Variants in DDX25 observed in about 807,000 individuals in gnomAD.
The protein encoded by DDX25 is ATP-dependent RNA helicase DDX25.
In DDX25, 70 loss-of-function variants were observed where a neutral mutation model predicts 64.6. The ratio of observed to expected loss-of-function variants is 1.08; its 90% confidence interval spans 0.89 to 1.32. The LOEUF (loss-of-function observed/expected upper bound fraction) is 1.32. Among genes scored for constraint, DDX25 ranks in the 40% most tolerant of loss-of-function variants. The pLI is 0.00. For synonymous variants in DDX25, 211 were observed against 213.3 expected, an observed-to-expected ratio of 0.99 and a Z score of 0.09; for missense variants, 587 against 604.4, an observed-to-expected ratio of 0.97 and a Z score of 0.30.
intron 1 of DDX25, among the ~76,000 whole-genome samples, chr11:125,904,965 C>G (rs1944862233): frequency 6.6e-6 from 1 of 152,104 alleles, no homozygotes; most frequent in Non-Finnish European, 1.5e-5. Flanking sequence ...CCAAGTACTG[C>G]CCAACTCTAA....
rs1325947892 is a variant in DDX25 at position 125,913,132 on chromosome 11, TG to T, written c.800+1647del. On this transcript the variant is annotated intron_variant, in intron 8 of 11. Transcript: ENST00000263576. ...GAGATCACGCCACTGCACTACAGCCTGGGTGACAGAGCAAGACTCCATTTCA... is the reference window on the plus strand; with the variant it reads ...GAGATCACGCCACTGCACTACAGCCTGGTGACAGAGCAAGACTCCATTTCA... Among the ~76,000 whole-genome samples the T allele has an allele frequency of 2.8e-5, 4 of 142,928 alleles. No homozygotes were observed. In the Admixed American group the frequency reaches 3.0e-4, roughly 11 times the overall value. The allele number at this position is 142,928 out of a possible 152,430, so 93.8% of individuals were successfully genotyped here.
intron 2 of DDX25, 113 bp from the exon 3 acceptor site, chr11:125,905,440 C>T (rs773186813): frequency 1.5e-6 from 2 of 1,338,324 alleles, no homozygotes; most frequent in Middle Eastern, 1.8e-4. Flanking sequence ...CATGAAATGA[C>T]TCTTCTTGCC....
In DDX25 at chr11:125,924,457, G is replaced by T. The variant is rs934245013; in HGVS notation, c.*1576G>T. On this transcript the variant is annotated 3_prime_UTR_variant, in exon 12 of 12. Transcript: ENST00000263576. ...AAGCAAGCGGGCCCAGATCACTAGTGTAGCACAGAGGAGGGACCCTAACAC... is the reference window on the plus strand; with the variant it reads ...AAGCAAGCGGGCCCAGATCACTAGTTTAGCACAGAGGAGGGACCCTAACAC... 6.6e-6 allele frequency: 1 copy of T among 152,284 alleles called. No homozygotes were observed. The highest frequency in any genetic ancestry group is 1.5e-5 in the Non-Finnish European group (1 of 68,114). The allele number at this position is 152,284 out of a possible 1,614,324, so 9.4% of individuals were successfully genotyped here.
chr11:125,915,842 A>G (rs1591519377), intron 8 of DDX25, among the ~76,000 whole-genome samples: 1 of 152,180 alleles, frequency 6.6e-6, no homozygotes, highest in South Asian at 2.1e-4. Flanking sequence ...TGCAGTGCTC[A>G]TGGTGTAGCT....
At chr11:125,906,367 T>C (rs1028309665) in intron 4 of DDX25, among the ~76,000 whole-genome samples, 158 bp downstream of exon 4, 1 of 151,890 alleles carries the variant, frequency 6.6e-6, no homozygotes, top group African/African-American at 2.4e-5. Context: ...TCCCCCAGGC[T>C]GGAGTGCAGT....
rs1368134751 is a variant in DDX25 at position 125,923,225 on chromosome 11, T to C, written c.*344T>C. The C allele has an allele frequency of 1.1e-5, 2 of 189,162 alleles. No homozygotes were observed. Among genetic ancestry groups the C allele is most frequent in the East Asian group, 2.6e-4 (2 of 7,560 alleles). The allele number at this position is 189,162 out of a possible 1,614,324, so 11.7% of individuals were successfully genotyped here. On this transcript the variant is annotated 3_prime_UTR_variant, in exon 12 of 12. Transcript: ENST00000263576. Reference sequence around the variant, plus strand: ...ATCTTACTGTGTCACAAGAGGGCGGTAGAGCTTCGCTGATTTTGGAAGCGG... The same window carrying C: ...ATCTTACTGTGTCACAAGAGGGCGGCAGAGCTTCGCTGATTTTGGAAGCGG...
In DDX25 at chr11:125,911,472, A is replaced by G. The variant is rs200925977; in HGVS notation, c.784A>G (p.Ser262Gly). The G allele has an allele frequency of 2.3e-4, 379 of 1,613,736 alleles. No individual in the cohort carries two copies. Among genetic ancestry groups the G allele is most frequent in the Middle Eastern group, 3.3e-4 (2 of 6,084 alleles). The change falls in exon 8 of 12, where the codon AGT becomes GGT. Residue 262 changes from serine (S) to glycine (G), a missense_variant. Physicochemically the swap from Ser to Gly is moderately conservative, Grantham distance 56. Transcript: ENST00000263576. The part of the protein sequence containing the change: ...MIDTQGFSDH[S>G]IRIQRALPSE... ...TGACACTCAAGGATTCTCAGATCAT[A>G]GTATTCGTATTCAAAGGTAATCTTC...
intron 10 of DDX25, 84 bp downstream of exon 10, chr11:125,918,874 G>A (rs1945076228): frequency 6.4e-6 from 9 of 1,406,076 alleles, no homozygotes; most frequent in South Asian, 6.0e-5. Context: ...CGCGAGTTTC[G>A]ACAAACATGC....
rs183664761 is a variant in DDX25, at chr11:125,905,127, C to A, written c.64-85C>A. On this transcript the variant is annotated intron_variant, in intron 1 of 11. Transcript: ENST00000263576. ...AATACCCGGGTGTCCTTCCCTGAAT[C>A]CCTCCCAGCCCCTGTGGTAGGGAAG... 28 of 1,259,520 alleles carry A rather than the reference C, an allele frequency of 2.2e-5. No homozygotes were observed. In the African/African-American group the frequency reaches 3.9e-4, roughly 17 times the overall value. 78.0% of individuals were successfully genotyped at this position (1,259,520 alleles called of 1,614,324 possible). A position where few individuals can be genotyped will look rare whatever the true frequency, so the allele number is the denominator to read the frequency against.
chr11:125,906,048 C>T (rs1347284686), intron 3 of DDX25, 26 bp from the exon 4 acceptor site: 1 of 1,527,810 alleles, frequency 6.5e-7, no homozygotes, highest in South Asian at 1.3e-5. Context: ...AGCTTGATGT[C>T]CTCTTTTTTA....
In DDX25 at chr11:125,925,569, A is replaced by G. The variant is rs1329935957; in HGVS notation, c.*2688A>G. On this transcript the variant is annotated 3_prime_UTR_variant, in exon 12 of 12. Coordinates refer to ENST00000263576, the MANE Select transcript of DDX25 (RefSeq NM_013264.5). ...AGAGTAGATAGAGAGGCAAGGAAAC[A>G]CCAGGTGATTTCAGTGCAACTGTGA... 5 of 420,868 alleles carry G rather than the reference A, an allele frequency of 1.2e-5. No homozygotes were observed. The East Asian group carries it at 2.9e-4, about 25-fold the overall frequency. 26.1% of individuals were successfully genotyped at this position (420,868 alleles called of 1,614,324 possible). A position where few individuals can be genotyped will look rare whatever the true frequency, so the allele number is the denominator to read the frequency against.
Position 125,911,349 on chromosome 11 carries a change from G to C in DDX25, c.661G>C (p.Gly221Arg), listed in dbSNP as rs1378266043. ...GTDITKQIII[G>R]TPGTVLDWCF... ...CGACATCACTAAACAGATTATAATTGGCACTCCTGGGACTGTCCTAGATTG... is the reference window on the plus strand; with the variant it reads ...CGACATCACTAAACAGATTATAATTCGCACTCCTGGGACTGTCCTAGATTG... Residue 221 changes from glycine (G) to arginine (R), a missense_variant, in exon 8 of 12, where the codon GGC (glycine) becomes CGC (arginine). Coordinates refer to ENST00000263576, the MANE Select transcript of DDX25 (RefSeq NM_013264.5). 6.2e-7 allele frequency: 1 copy of C among 1,613,266 alleles called. No homozygotes were observed. Among genetic ancestry groups the C allele is most frequent in the Non-Finnish European group, 8.5e-7 (1 of 1,179,688 alleles).
Position 125,910,363 on chromosome 11 carries a change from G to T in DDX25, c.508-1G>T, listed in dbSNP as rs1388931284. The T allele has an allele frequency of 3.1e-6, 5 of 1,613,570 alleles. No individual in the cohort carries two copies. The highest frequency in any genetic ancestry group is 4.2e-6 in the Non-Finnish European group (5 of 1,179,588). ...TCCCCTCTTCTCTCTCTATCCCACA[G>T]TGCCTCTGCCTAGCTCCTACTTATG... On this transcript the variant is annotated splice_acceptor_variant, in intron 6 of 11. Coordinates refer to ENST00000263576, the MANE Select transcript of DDX25 (RefSeq NM_013264.5). LOFTEE classifies it high-confidence loss of function.
In DDX25 at chr11:125,928,580, T is replaced by C. The variant is rs145576222; in HGVS notation, c.*5699T>C. 2 of 152,354 alleles carry C rather than the reference T, an allele frequency of 1.3e-5. No individual in the cohort carries two copies. Among genetic ancestry groups the C allele is most frequent in the African/African-American group, 4.8e-5 (2 of 41,580 alleles). 9.4% of individuals were successfully genotyped at this position (152,354 alleles called of 1,614,324 possible). ...GTAGACTGGCTATACCAATATATAG[T>C]TGCACAGCAAATTCACCTCACCTTA... On this transcript the variant is annotated 3_prime_UTR_variant, in exon 12 of 12. Coordinates refer to ENST00000263576, the MANE Select transcript of DDX25 (RefSeq NM_013264.5).
chr11:125,904,354 G>A, upstream of DDX25: 3 of 539,296 alleles, frequency 5.6e-6, no homozygotes, highest in Non-Finnish European at 8.5e-6. Flanking sequence ...CCCCTTCCGC[G>A]CGCCACCCAG....
chr11:125,905,028 C>T (rs916807589), intron 1 of DDX25, among the ~76,000 whole-genome samples, 184 bp from the exon 2 acceptor site: 3 of 152,110 alleles, frequency 2.0e-5, no homozygotes, highest in African/African-American at 7.2e-5. Flanking sequence ...AGAAAATCTC[C>T]AATTTTAGGG....
chr11:125,904,320 C>CTCCG (rs1944841949), upstream of DDX25: 1 of 401,620 alleles, frequency 2.5e-6, no homozygotes, highest in African/African-American at 2.1e-5. Flanking sequence ...GCTCTCTGCC[C>CTCCG]CCCGCCCCGC....
At chr11:125,904,865 CTGCCCATT>C in intron 1 of DDX25, 1 of 565,930 alleles carries the variant, frequency 1.8e-6, no homozygotes, top group Non-Finnish European at 3.1e-6. Flanking sequence ...GTTTTCTACT[CTGCCCATT>C]TGCCCATTAA....
At chr11:125,915,800 C>G (rs1194122542) in intron 8 of DDX25, among the ~76,000 whole-genome samples, 2 of 152,188 alleles carry the variant, frequency 1.3e-5, no homozygotes, top group African/African-American at 2.4e-5. Context: ...TCTGAGGGAA[C>G]AGTTAGCTGC....
Sources: allele counts gnomAD v4.1 joint callset (sites outside exome capture counted in the v4.1 genomes callset), GRCh38; gene constraint gnomAD v4.1.1; transcripts MANE v1.5; gene names NCBI Gene and HGNC (gene_info 2026-07-23, HGNC 2026-07-21).